The following ARFGEF3 variants were observed in gnomAD, a reference collection of about 807,000 sequenced individuals.
ARFGEF3 encodes ARFGEF family member 3.
ARFGEF3 carries 96 observed loss-of-function variants against 221.7 expected under a neutral mutation model. The ratio of observed to expected loss-of-function variants is 0.43; its 90% CI spans 0.37 to 0.51. The LOEUF is 0.51. ARFGEF3 is among the 20% of genes least tolerant of loss of function. The probability of loss-of-function intolerance (pLI) is 0.00; values close to 1 mark genes in which losing one functional copy is unlikely to be tolerated. For synonymous variants in ARFGEF3, 1,145 were observed against 1,126.8 expected, an observed-to-expected ratio of 1.02 and a Z score of -0.32; for missense variants, 2,410 against 2,789.9, an observed-to-expected ratio of 0.86 and a Z score of 3.07.
chr6:138,176,650 C>A (rs1418373570), intron 2 of ARFGEF3, among the ~76,000 whole-genome samples: 1 of 151,976 alleles, frequency 6.6e-6, no homozygotes, highest in East Asian at 1.9e-4. Context: ...TGGTGGAATT[C>A]TCTCTTGTTG....
At chr6:138,178,204 T>C (rs143468864) in intron 2 of ARFGEF3, among the ~76,000 whole-genome samples, 2 of 152,294 alleles carry the variant, frequency 1.3e-5, no homozygotes, top group Non-Finnish European at 2.9e-5. Flanking sequence ...TCACCATTCT[T>C]ATGTCCTAGG....
chr6:138,232,158 A>G (rs1021909814), intron 5 of ARFGEF3, among the ~76,000 whole-genome samples: 2 of 152,202 alleles, frequency 1.3e-5, no homozygotes, highest in African/African-American at 4.8e-5. Context: ...AAGGAAAGTT[A>G]CCTTCATATA....
At chr6:138,305,046 A>G (rs1779695026) in intron 22 of ARFGEF3, among the ~76,000 whole-genome samples, 2 of 151,568 alleles carry the variant, frequency 1.3e-5, no homozygotes, top group South Asian at 4.2e-4. Context: ...TTGTTTAACA[A>G]ATTGAATAAA....
chr6:138,307,491 C>A, intron 23 of ARFGEF3, 94 bp downstream of exon 23: 2 of 1,136,276 alleles, frequency 1.8e-6, no homozygotes, highest in Non-Finnish European at 2.6e-6. Context: ...ATAGGGAAGA[C>A]AGATTGTCAG....
rs950969114 is a variant in ARFGEF3 at position 138,338,031 on chromosome 6, C to G, written c.*1545C>G. 1.3e-5 allele frequency: 2 copies of G among 152,140 alleles called. No homozygotes were observed. Among genetic ancestry groups the G allele is most frequent in the African/African-American group, 4.8e-5 (2 of 41,432 alleles). 9.4% of individuals were successfully genotyped at this position (152,140 alleles called of 1,614,324 possible). A position where few individuals can be genotyped will look rare whatever the true frequency, so the allele number is the denominator to read the frequency against. On this transcript the variant is annotated 3_prime_UTR_variant, in exon 34 of 34. Coordinates refer to ENST00000251691, the MANE Select transcript of ARFGEF3 (RefSeq NM_020340.5). Reference sequence around the variant, plus strand: ...TAGAGGTTAAGAGGAAGGCAGTGTTCTGACTTCTTTAGGTGATCTGAAAAA... The same window carrying G: ...TAGAGGTTAAGAGGAAGGCAGTGTTGTGACTTCTTTAGGTGATCTGAAAAA...
At chr6:138,246,722 C>T (rs1214363357) in intron 8 of ARFGEF3, among the ~76,000 whole-genome samples, 1 of 152,030 alleles carries the variant, frequency 6.6e-6, no homozygotes, top group Non-Finnish European at 1.5e-5. Context: ...AGATATAAGG[C>T]AAAGGATTCA....
At position 138,334,992 on chromosome 6, in the gene ARFGEF3, A is replaced by C. The variant is rs1049571675; in HGVS notation, c.6146A>C (p.Lys2049Thr). 1 of 1,585,980 alleles carries C rather than the reference A, an allele frequency of 6.3e-7. No individual in the cohort carries two copies. Among genetic ancestry groups the C allele is most frequent in the Non-Finnish European group, 8.6e-7 (1 of 1,166,826 alleles). ...TTCCCCAAAGAGGTCAAAGTGGAGAAGAAAGGAGAGCCACTGGGTCCCAGG... is the reference window on the plus strand; with the variant it reads ...TTCCCCAAAGAGGTCAAAGTGGAGACGAAAGGAGAGCCACTGGGTCCCAGG... ...SAFPKEVKVE[K>T]KGEPLGPRGQ... The change falls in exon 33 of 34, where the codon AAG becomes ACG. Residue 2049 changes from lysine (K) to threonine (T), a missense_variant. By Grantham distance (78) the Lys-to-Thr change is moderately conservative. Around this residue, in one of 5 missense-constraint regions of ARFGEF3, gnomAD observed 339 missense variants for 334.9 expected, o/e 1.01. Coordinates refer to ENST00000251691, the MANE Select transcript of ARFGEF3 (RefSeq NM_020340.5). This position sits in a 1 kb window ranked among gnomAD's most constrained non-coding sequence, Gnocchi z 5.1.
intron 19 of ARFGEF3, among the ~76,000 whole-genome samples, chr6:138,293,556 G>T (rs933842445): frequency 6.6e-6 from 1 of 152,168 alleles, no homozygotes; most frequent in Admixed American, 6.5e-5. Context: ...AGCTGTTTTT[G>T]TATCTTTTCC....
rs1367831866 is a variant in ARFGEF3 at position 138,342,437 on chromosome 6, A to T, written c.*5951A>T. ...GGATTCTATACAGCAGTCTTGCTCA[A>T]TCTTCCCAGTTTCCAGTTTTATTAT... On this transcript the variant is annotated 3_prime_UTR_variant, in exon 34 of 34. Transcript: ENST00000251691. The T allele has an allele frequency of 1.3e-5, 2 of 152,174 alleles. No homozygotes were observed. The highest frequency in any genetic ancestry group is 2.9e-5 in the Non-Finnish European group (2 of 68,032). 9.4% of individuals were successfully genotyped at this position (152,174 alleles called of 1,614,324 possible).
rs1780427469 is a variant in ARFGEF3 at position 138,341,349 on chromosome 6, G to C, written c.*4863G>C. Reference sequence around the variant, plus strand: ...TTGGACAGGATTTCTTGAAGAGCCAGGTGCTAAGGGCATCAGGTCGACATC... The same window carrying C: ...TTGGACAGGATTTCTTGAAGAGCCACGTGCTAAGGGCATCAGGTCGACATC... On this transcript the variant is annotated 3_prime_UTR_variant, in exon 34 of 34. Coordinates refer to ENST00000251691, the MANE Select transcript of ARFGEF3 (RefSeq NM_020340.5). 1 of 154,834 alleles carries C rather than the reference G, an allele frequency of 6.5e-6. No individual in the cohort carries two copies. The highest frequency in any genetic ancestry group is 6.5e-5 in the Admixed American group (1 of 15,288). The allele number at this position is 154,834 out of a possible 1,614,324, so 9.6% of individuals were successfully genotyped here.
At chr6:138,188,304 G>T (rs1435347748) in intron 2 of ARFGEF3, among the ~76,000 whole-genome samples, 1 of 152,098 alleles carries the variant, frequency 6.6e-6, no homozygotes, top group Non-Finnish European at 1.5e-5. Flanking sequence ...GCAGACTTAG[G>T]TTCCCCCCCT....
intron 2 of ARFGEF3, among the ~76,000 whole-genome samples, chr6:138,200,832 A>G (rs1290919522): frequency 3.3e-5 from 5 of 152,218 alleles, no homozygotes; most frequent in African/African-American, 1.2e-4. Flanking sequence ...GCTGGGACCT[A>G]ATTAAACTAA....
rs147530147 is a variant in ARFGEF3 at position 138,255,723 on chromosome 6, A to AC, written c.1064dup (p.Pro356ThrfsTer23). 3 of 1,601,816 alleles carry AC rather than the reference A, an allele frequency of 1.9e-6. No homozygotes were observed. Among genetic ancestry groups the AC allele is most frequent in the Non-Finnish European group, 1.7e-6 (2 of 1,171,846 alleles). On this transcript the variant is annotated frameshift_variant, in exon 10 of 34. Transcript: ENST00000251691. LOFTEE classifies it high-confidence loss of function. ...TCCCTCTACCACCGAGTGCTGCTCT[A>AC]CCCCCCACCCCAGCACCGGGTGGAA...
At chr6:138,193,341 C>T (rs888977444) in intron 2 of ARFGEF3, among the ~76,000 whole-genome samples, 1 of 152,192 alleles carries the variant, frequency 6.6e-6, no homozygotes, top group Non-Finnish European at 1.5e-5. Context: ...CTCCCACTCT[C>T]ATTATACTTC....
chr6:138,197,451 G>A (rs1006357168), intron 2 of ARFGEF3, among the ~76,000 whole-genome samples: 1 of 152,164 alleles, frequency 6.6e-6, no homozygotes, highest in Non-Finnish European at 1.5e-5. Flanking sequence ...TAACATGGTT[G>A]TTTATTATTA....
At chr6:138,176,733 T>C (rs930886458) in intron 2 of ARFGEF3, among the ~76,000 whole-genome samples, 2 of 152,206 alleles carry the variant, frequency 1.3e-5, no homozygotes, top group African/African-American at 4.8e-5. Context: ...GTTTTCATAA[T>C]GGTGAATATC....
intron 2 of ARFGEF3, among the ~76,000 whole-genome samples, chr6:138,189,079 A>G (rs1435090444): frequency 6.6e-6 from 1 of 152,226 alleles, no homozygotes; most frequent in African/African-American, 2.4e-5. Flanking sequence ...ACATGGATGC[A>G]TGAAAGTGAT....
chr6:138,211,630 G>C (rs903991113), intron 4 of ARFGEF3, among the ~76,000 whole-genome samples: 2 of 152,194 alleles, frequency 1.3e-5, no homozygotes, highest in African/African-American at 2.4e-5. Flanking sequence ...ACTAAGAGAT[G>C]CAAGTCAGAT....
chr6:138,238,500 C>G lies in ARFGEF3; in HGVS notation c.421-9C>G. ...AGACATGTGTGTTGCTGTCTTATTTCTTTAACAGGTGTGCATTGAGACGTA... is the reference window on the plus strand; with the variant it reads ...AGACATGTGTGTTGCTGTCTTATTTGTTTAACAGGTGTGCATTGAGACGTA... On this transcript the variant is annotated splice_polypyrimidine_tract_variant and intron_variant, in intron 5 of 33. Coordinates refer to ENST00000251691, the MANE Select transcript of ARFGEF3 (RefSeq NM_020340.5). 6.2e-7 allele frequency: 1 copy of G among 1,611,960 alleles called. No homozygotes were observed. Among genetic ancestry groups the G allele is most frequent in the Non-Finnish European group, 8.5e-7 (1 of 1,178,450 alleles).
Sources: gnomAD v4.1 joint callset for allele counts (sites outside exome capture counted in the v4.1 genomes callset) on GRCh38, gnomAD v4.1.1 for gene constraint, gnomAD v4.1.1 regional missense constraint, Gnocchi (gnomAD v3.1) non-coding constraint, MANE v1.5 for transcripts, NCBI Gene and HGNC (gene_info 2026-07-23, HGNC 2026-07-21) for gene names.